Variants in FAM135B observed in about 807,000 individuals in gnomAD.
FAM135B encodes the protein family with sequence similarity 135 member B.
FAM135B carries 43 observed loss-of-function variants against 127.7 expected under a neutral mutation model. That is an observed-to-expected ratio of 0.34 (90% CI 0.26 to 0.43). The LOEUF (loss-of-function observed/expected upper bound fraction) is 0.43, where lower values mean the gene tolerates loss of function less well. Ranked by LOEUF, FAM135B falls within the 20% of genes least tolerant of loss-of-function variation. FAM135B has a pLI of 1.00. For missense variants in FAM135B, 1,558 were observed against 1,725.6 expected, an observed-to-expected ratio of 0.90 and a Z score of 1.72; for synonymous variants, 670 against 665.1, an observed-to-expected ratio of 1.01 and a Z score of -0.11.
At position 138,131,380 on chromosome 8, in the gene FAM135B, C is replaced by T. The variant is rs77842848; in HGVS notation, c.*1213G>A. ...CAGTCTTTGAGACCTGACTATTAAA[C>T]ATCCTGGTAATTTTCAAAACTCCCC... On this transcript the variant is annotated 3_prime_UTR_variant, in exon 20 of 20. Coordinates refer to ENST00000395297, the MANE Select transcript of FAM135B (RefSeq NM_015912.4). 593 of 152,620 alleles carry T rather than the reference C, an allele frequency of 3.9e-3. 9 individuals carry two copies. The highest frequency in any genetic ancestry group is 0.014 in the African/African-American group (576 of 41,556). The allele number at this position is 152,620 out of a possible 1,614,324, so 9.5% of individuals were successfully genotyped here.
At chr8:138,156,732 C>A (rs1365701139) in intron 12 of FAM135B, among the ~76,000 whole-genome samples, 1 of 152,072 alleles carries the variant, frequency 6.6e-6, no homozygotes, top group African/African-American at 2.4e-5. Context: ...ATACACCCTC[C>A]CAAGACTAAA....
At chr8:138,280,175 A>C (rs545013399) in intron 3 of FAM135B, among the ~76,000 whole-genome samples, 1 of 152,266 alleles carries the variant, frequency 6.6e-6, no homozygotes, top group African/African-American at 2.4e-5. Context: ...AGGGTACCAA[A>C]AAACTATTTC....
intron 13 of FAM135B, 25 bp downstream of exon 13, chr8:138,151,169 A>G (rs2130719045): frequency 2.0e-6 from 3 of 1,480,588 alleles, no homozygotes; most frequent in Non-Finnish European, 2.7e-6. Context: ...TGTTGTGGGA[A>G]AGGTAAGCCC....
intron 1 of FAM135B, among the ~76,000 whole-genome samples, chr8:138,446,694 TA>T (rs1238143426): frequency 5.9e-5 from 9 of 151,852 alleles, no homozygotes; most frequent in African/African-American, 2.2e-4. Context: ...CCTAAAACCA[TA>T]AAAACCCTAG....
At chr8:138,237,145 C>G (rs79631234) in intron 7 of FAM135B, among the ~76,000 whole-genome samples, 1 of 144,830 alleles carries the variant, frequency 6.9e-6, no homozygotes, top group African/African-American at 2.6e-5. Flanking sequence ...GTAACTGGAT[C>G]CTTGATTTTT....
At chr8:138,373,168 A>G (rs1447810196) in intron 1 of FAM135B, among the ~76,000 whole-genome samples, 2 of 152,324 alleles carry the variant, frequency 1.3e-5, no homozygotes, top group Admixed American at 1.3e-4. Flanking sequence ...ACATCACTTC[A>G]TCTCTTTGAG....
chr8:138,174,171 A>G (rs1295284349), intron 11 of FAM135B, among the ~76,000 whole-genome samples: 1 of 152,046 alleles, frequency 6.6e-6, no homozygotes, highest in East Asian at 1.9e-4. Flanking sequence ...TTCCAAATAC[A>G]CTAGGTTGAT....
At chr8:138,277,051 C>G (rs1258549408) in intron 3 of FAM135B, among the ~76,000 whole-genome samples, 2 of 152,170 alleles carry the variant, frequency 1.3e-5, no homozygotes, top group African/African-American at 4.8e-5. Flanking sequence ...AAGGTATCCC[C>G]ATGCCATGCA....
Position 138,443,913 on chromosome 8 carries a change from T to A in FAM135B, c.-20+52758A>T, listed in dbSNP as rs570264365. ...TGCTGTATTCAGGAAACCTACCTCA[T>A]GTGCAGAGACACACATAGGCTCAAA... On this transcript the variant is annotated intron_variant, in intron 1 of 19. Transcript: ENST00000395297. 3.3e-5 allele frequency among the ~76,000 whole-genome samples: 5 copies of A among 152,038 alleles called. No homozygotes were observed. In the East Asian group the frequency reaches 9.6e-4, roughly 29 times the overall value.
intron 15 of FAM135B, chr8:138,144,217 A>C (rs1328234558): frequency 6.6e-6 from 1 of 152,264 alleles, no homozygotes; most frequent in African/African-American, 2.4e-5. Flanking sequence ...TCAGGAGACC[A>C]AGATCATCCT....
chr8:138,302,171 G>A (rs994500115), intron 3 of FAM135B, among the ~76,000 whole-genome samples: 7 of 152,188 alleles, frequency 4.6e-5, no homozygotes, highest in Admixed American at 6.5e-5. Context: ...ATTTTACAGA[G>A]AAGAAAAATG....
chr8:138,225,655 GC>G (rs1819369501), intron 7 of FAM135B, among the ~76,000 whole-genome samples: 1 of 152,066 alleles, frequency 6.6e-6, no homozygotes, highest in Non-Finnish European at 1.5e-5. Flanking sequence ...GTTTAATAAG[GC>G]ACTGCTCTTA....
chr8:138,145,871 G>A (rs1817608598), intron 15 of FAM135B, 88 bp downstream of exon 15: 1 of 728,212 alleles, frequency 1.4e-6, no homozygotes, highest in Non-Finnish European at 2.4e-6. Flanking sequence ...CTATCTGTGT[G>A]TGTCCATAAA....
chr8:138,163,900 C>T (rs1043219571), intron 12 of FAM135B, among the ~76,000 whole-genome samples: 6 of 152,174 alleles, frequency 3.9e-5, no homozygotes, highest in East Asian at 1.9e-4. Flanking sequence ...ACGGTCACAG[C>T]TCACTGTAGC....
chr8:138,481,291 A>G (rs1814769669), intron 1 of FAM135B, among the ~76,000 whole-genome samples: 1 of 152,246 alleles, frequency 6.6e-6, no homozygotes, highest in African/African-American at 2.4e-5. Flanking sequence ...GCCACCTAGG[A>G]CAAAAATAGT....
intron 2 of FAM135B, among the ~76,000 whole-genome samples, chr8:138,335,981 C>A (rs928279361): frequency 1.4e-4 from 22 of 152,114 alleles, no homozygotes; most frequent in African/African-American, 4.6e-4. Flanking sequence ...TACATGGAAA[C>A]TGAACAACCT....
intron 3 of FAM135B, among the ~76,000 whole-genome samples, chr8:138,288,830 T>TA (rs1824889532): frequency 1.3e-5 from 2 of 152,186 alleles, no homozygotes; most frequent in Admixed American, 6.5e-5. Flanking sequence ...TAAAATCTCC[T>TA]AAAAAATGTT....
At chr8:138,198,485 T>G (rs1284648588) in intron 7 of FAM135B, among the ~76,000 whole-genome samples, 1 of 152,144 alleles carries the variant, frequency 6.6e-6, no homozygotes, top group Non-Finnish European at 1.5e-5. Context: ...AGAAAGACCC[T>G]TGTAGCAGGT....
chr8:138,280,626 C>T (rs1471771342), intron 3 of FAM135B, among the ~76,000 whole-genome samples: 1 of 152,152 alleles, frequency 6.6e-6, no homozygotes, highest in South Asian at 2.1e-4. Flanking sequence ...CCAGCAGCCA[C>T]AGAACTTGGC....
Sources: allele counts gnomAD v4.1 joint callset (sites outside exome capture counted in the v4.1 genomes callset), GRCh38; gene constraint gnomAD v4.1.1; transcripts MANE v1.5; gene names NCBI Gene and HGNC (gene_info 2026-07-23, HGNC 2026-07-21).